The following SCNN1B variants were observed in gnomAD, a reference collection of about 807,000 sequenced individuals.
The protein encoded by SCNN1B is sodium channel epithelial 1 subunit beta.
In SCNN1B, 46 loss-of-function variants were observed where a neutral mutation model predicts 65.3. That is an observed-to-expected ratio of 0.70 (90% CI 0.56 to 0.90). SCNN1B has a LOEUF of 0.90. Among genes scored for constraint, SCNN1B ranks in the 40% least tolerant of loss-of-function variants. SCNN1B has a pLI of 0.00. For missense variants in SCNN1B, 751 were observed against 830.5 expected, an observed-to-expected ratio of 0.90 and a Z score of 1.18; for synonymous variants, 349 against 330.6, an observed-to-expected ratio of 1.06 and a Z score of -0.60.
intron 4 of SCNN1B, 138 bp downstream of exon 4, chr16:23,355,627 C>T: frequency 1.2e-6 from 1 of 868,436 alleles, no homozygotes; most frequent in Non-Finnish European, 1.9e-6. Context: ...TTTTCTGTGC[C>T]TCGGTGTCTT....
Position 23,343,475 on chromosome 16 carries a change from A to AAAGGAAGGAAGGAAGG in SCNN1B, c.-8-5098_-8-5083dup, listed in dbSNP as rs569501062. 4.8e-3 allele frequency among the ~76,000 whole-genome samples: 538 copies of AAAGGAAGGAAGGAAGG among 113,128 alleles called. 67 individuals are homozygous for AAAGGAAGGAAGGAAGG. The highest frequency in any genetic ancestry group is 0.027 in the African/African-American group (496 of 18,166). The allele number at this position is 113,128 out of a possible 152,430, so 74.2% of individuals were successfully genotyped here. A position where few individuals can be genotyped will look rare whatever the true frequency, so the allele number is the denominator to read the frequency against. On this transcript the variant is annotated intron_variant, in intron 1 of 12. Transcript: ENST00000343070. ...CAAAAATAAAAAAAGGAAAAGAAAG[A>AAAGGAAGGAAGGAAGG]AAGGAAGGAAGGAAGGAAGGAAGGA...
chr16:23,326,614 G>A (rs1410067298), intron 1 of SCNN1B, among the ~76,000 whole-genome samples: 18 of 151,772 alleles, frequency 1.2e-4, no homozygotes, highest in African/African-American at 3.1e-4. Context: ...ATAGGTGTGC[G>A]CCACCATGCC....
chr16:23,361,441 G>A (rs1444657347), intron 4 of SCNN1B, among the ~76,000 whole-genome samples: 1 of 152,176 alleles, frequency 6.6e-6, no homozygotes, highest in East Asian at 1.9e-4. Context: ...CAGTGGGAAA[G>A]GAGCATTGAG....
chr16:23,293,468 A>G (rs1214650651), intron 2 of SCNN1B, among the ~76,000 whole-genome samples: 2 of 152,240 alleles, frequency 1.3e-5, no homozygotes, highest in African/African-American at 2.4e-5. Flanking sequence ...AAGGTAGTCA[A>G]AATCATAGAG....
intron 1 of SCNN1B, among the ~76,000 whole-genome samples, chr16:23,328,680 G>A (rs1961746574): frequency 1.3e-5 from 2 of 152,328 alleles, no homozygotes; most frequent in African/African-American, 4.8e-5. Context: ...AGTGGGTCAG[G>A]TCAGTTTCAA....
intron 7 of SCNN1B, among the ~76,000 whole-genome samples, chr16:23,375,113 CGAGT>C (rs1392999348): frequency 2.0e-5 from 3 of 152,118 alleles, no homozygotes; most frequent in African/African-American, 7.2e-5. Flanking sequence ...ATGTTGGGGC[CGAGT>C]GAGTGGAGAC....
intron 2 of SCNN1B, among the ~76,000 whole-genome samples, chr16:23,350,210 G>A (rs1336776862): frequency 2.0e-5 from 3 of 152,212 alleles, no homozygotes; most frequent in Admixed American, 2.0e-4. Context: ...GGGAACTCCT[G>A]TCGCAGCCCC....
intron 2 of SCNN1B, chr16:23,283,806 T>C (rs1386717098): frequency 6.6e-6 from 1 of 152,128 alleles, no homozygotes; most frequent in Non-Finnish European, 1.5e-5. Flanking sequence ...CTCTCACAGG[T>C]AGGGCTGGAG....
At chr16:23,303,144 G>T (rs1251024887) in intron 1 of SCNN1B, among the ~76,000 whole-genome samples, 1 of 152,182 alleles carries the variant, frequency 6.6e-6, no homozygotes, top group Non-Finnish European at 1.5e-5. Flanking sequence ...TATGACTTAG[G>T]TGTGCTGTGG....
At chr16:23,306,297 C>A (rs989614474) in intron 1 of SCNN1B, among the ~76,000 whole-genome samples, 7 of 151,678 alleles carry the variant, frequency 4.6e-5, no homozygotes, top group African/African-American at 1.5e-4. Flanking sequence ...TTTGTGACTC[C>A]ATTTCCTTAT....
At chr16:23,368,336 C>G (rs1224069444) in intron 5 of SCNN1B, among the ~76,000 whole-genome samples, 1 of 151,922 alleles carries the variant, frequency 6.6e-6, no homozygotes, top group Non-Finnish European at 1.5e-5. Context: ...CCCAAGAGTT[C>G]GAGACCAGCC....
At chr16:23,290,139 C>T (rs1170937480) in intron 2 of SCNN1B, among the ~76,000 whole-genome samples, 1 of 152,126 alleles carries the variant, frequency 6.6e-6, no homozygotes, top group Non-Finnish European at 1.5e-5. Flanking sequence ...GGCCGATAGT[C>T]TCTGTCTCAC....
intron 1 of SCNN1B, among the ~76,000 whole-genome samples, chr16:23,336,394 ACGGAGTCTCGCT>A (rs1961941243): frequency 7.3e-6 from 1 of 137,000 alleles, no homozygotes; most frequent in Non-Finnish European, 1.5e-5. Context: ...TTTTTTTGAG[ACGGAGTCTCGCT>A]CTGTCGCCAG....
chr16:23,278,999 TA>T (rs145363650), intron 1 of SCNN1B, among the ~76,000 whole-genome samples: 344 of 139,062 alleles, frequency 2.5e-3, no homozygotes, highest in African/African-American at 8.5e-3. Flanking sequence ...CTCACCTTAA[TA>T]AAAAAAAAGG....
chr16:23,362,092 C>A (rs1962564742), intron 4 of SCNN1B, among the ~76,000 whole-genome samples: 1 of 151,780 alleles, frequency 6.6e-6, no homozygotes, highest in Non-Finnish European at 1.5e-5. Context: ...TGTATGTAAT[C>A]CCAGCACTTT....
At chr16:23,358,737 T>C (rs1962471078) in intron 4 of SCNN1B, among the ~76,000 whole-genome samples, 1 of 152,054 alleles carries the variant, frequency 6.6e-6, no homozygotes, top group Admixed American at 6.6e-5. Flanking sequence ...CAAAACCCCA[T>C]CTCTACTAAA....
chr16:23,285,572 C>T (rs1020188786), intron 2 of SCNN1B, among the ~76,000 whole-genome samples: 7 of 152,042 alleles, frequency 4.6e-5, no homozygotes, highest in Admixed American at 1.3e-4. Context: ...CTCACTTGAG[C>T]CCGGGAGTTG....
intron 1 of SCNN1B, among the ~76,000 whole-genome samples, chr16:23,306,589 C>T (rs986351861): frequency 2.1e-4 from 32 of 152,232 alleles, no homozygotes; most frequent in South Asian, 8.3e-4. Context: ...TCAAGTAAGA[C>T]GCTGCAATAC....
intron 7 of SCNN1B, 135 bp downstream of exon 7, chr16:23,372,018 C>T (rs777179449): frequency 3.0e-5 from 22 of 729,068 alleles, no homozygotes; most frequent in Non-Finnish European, 4.0e-5. Flanking sequence ...CGGGGCACCC[C>T]GGGCCTGTGG....
Sources: allele counts gnomAD v4.1 joint callset (sites outside exome capture counted in the v4.1 genomes callset), GRCh38; gene constraint gnomAD v4.1.1; transcripts MANE v1.5; gene names NCBI Gene and HGNC (gene_info 2026-07-23, HGNC 2026-07-21).